The following CDH9 variants were observed in gnomAD, a reference collection of about 807,000 sequenced individuals.
CDH9 encodes the protein cadherin-9.
In CDH9, 28 loss-of-function variants were observed where a neutral mutation model predicts 70.9. That is an observed-to-expected ratio of 0.40 (90% confidence interval 0.29 to 0.54). CDH9 has a LOEUF of 0.54. CDH9 is among the 20% of genes least tolerant of loss of function. The pLI, the probability that CDH9 is intolerant of heterozygous loss-of-function variation, is 0.59. For synonymous variants in CDH9, 409 were observed against 343.1 expected (o/e 1.19, Z -2.12); for missense variants, 874 against 984.4 (o/e 0.89, Z 1.50).
intron 2 of CDH9, among the ~76,000 whole-genome samples, chr5:26,961,267 T>A (rs1208799075): frequency 1.3e-5 from 2 of 152,138 alleles, no homozygotes; most frequent in African/African-American, 4.8e-5. Context: ...AAGAAAACAC[T>A]CAGAATCTAC....
chr5:26,968,723 A>C (rs1742169322), intron 2 of CDH9, among the ~76,000 whole-genome samples: 1 of 150,370 alleles, frequency 6.7e-6, no homozygotes. Flanking sequence ...TGGGGGGCAA[A>C]TCTTTGGCAA....
intron 2 of CDH9, among the ~76,000 whole-genome samples, chr5:26,966,288 T>A (rs1742128205): frequency 6.6e-6 from 1 of 152,166 alleles, no homozygotes; most frequent in Admixed American, 6.6e-5. Context: ...TTGACTTCTC[T>A]CTCTGTCCAG....
At chr5:26,987,233 A>T (rs1742504011) in intron 2 of CDH9, among the ~76,000 whole-genome samples, 1 of 151,470 alleles carries the variant, frequency 6.6e-6, no homozygotes, top group Non-Finnish European at 1.5e-5. Context: ...TAAATTTATG[A>T]TCTGTAGACT....
At chr5:26,999,236 T>TA (rs144411498) in intron 1 of CDH9, among the ~76,000 whole-genome samples, 3,515 of 150,482 alleles carry the variant, frequency 0.023, 58 homozygotes, top group Middle Eastern at 0.038. Context: ...AGACTCCGTC[T>TA]AAAAAAAAAT....
At chr5:26,983,062 T>A (rs1234129173) in intron 2 of CDH9, among the ~76,000 whole-genome samples, 1 of 152,056 alleles carries the variant, frequency 6.6e-6, no homozygotes, top group Non-Finnish European at 1.5e-5. Context: ...GGGTTTTATG[T>A]AAGATTGTGC....
intron 2 of CDH9, among the ~76,000 whole-genome samples, chr5:26,937,995 A>G (rs991799877): frequency 2.6e-5 from 4 of 152,134 alleles, no homozygotes; most frequent in African/African-American, 9.7e-5. Flanking sequence ...TAATAATAAT[A>G]TAGTAATATT....
At chr5:26,989,508 G>GTCTCCCTC (rs1742545067) in intron 1 of CDH9, among the ~76,000 whole-genome samples, 1 of 146,784 alleles carries the variant, frequency 6.8e-6, no homozygotes, top group Non-Finnish European at 1.5e-5. Flanking sequence ...TCTCTTCTCT[G>GTCTCCCTC]TCTCTCTCTC....
intron 9 of CDH9, among the ~76,000 whole-genome samples, chr5:26,888,255 G>C (rs1178229026): frequency 4.6e-5 from 7 of 152,088 alleles, no homozygotes; most frequent in Non-Finnish European, 8.8e-5. Context: ...ATTTGGAGAA[G>C]TATTTGGGAA....
At chr5:26,958,828 G>A (rs1427626767) in intron 2 of CDH9, among the ~76,000 whole-genome samples, 2 of 151,928 alleles carry the variant, frequency 1.3e-5, no homozygotes, top group Non-Finnish European at 2.9e-5. Context: ...ACAAAAATAA[G>A]GATATAAATA....
In CDH9 at chr5:26,881,210, A is replaced by G. The variant is rs780694475; in HGVS notation, c.2296T>C (p.Tyr766His). 6 of 1,613,030 alleles carry G rather than the reference A, an allele frequency of 3.7e-6. No homozygotes were observed. The highest frequency in any genetic ancestry group is 5.1e-6 in the Non-Finnish European group (6 of 1,179,168). Residue 766 changes from tyrosine (Y) to histidine (H), a missense_variant, in exon 12 of 12, where the codon TAC becomes CAC. Physicochemically the swap from Tyr to His is moderately conservative, Grantham distance 83. Coordinates refer to ENST00000231021, the MANE Select transcript of CDH9 (RefSeq NM_016279.4). ...AAACGAGGCCCCCAGTCACTGAGGT[A>G]ATCATAATCTTGGTTACAATCAGCT... ...LTADCNQDYD[Y>H]LSDWGPRFKK...
chr5:27,027,554 G>GC (rs1349664989), intron 1 of CDH9, among the ~76,000 whole-genome samples: 2 of 151,992 alleles, frequency 1.3e-5, no homozygotes, highest in African/African-American at 4.8e-5. Flanking sequence ...AGCTCCTGGA[G>GC]CCCCAAGGCA....
At chr5:26,883,406 G>A (rs1193089696) in intron 11 of CDH9, among the ~76,000 whole-genome samples, 3 of 151,546 alleles carry the variant, frequency 2.0e-5, no homozygotes, top group Non-Finnish European at 4.4e-5. Flanking sequence ...TCATTTCTTA[G>A]ATTGAGGTTA....
At chr5:26,883,091 AT>A (rs1740499805) in intron 11 of CDH9, among the ~76,000 whole-genome samples, 32 of 126,600 alleles carry the variant, frequency 2.5e-4, no homozygotes, top group African/African-American at 7.1e-4. Flanking sequence ...ATATATATAT[AT>A]ATAAAACTGC....
At chr5:26,994,508 T>C (rs778019667) in intron 1 of CDH9, among the ~76,000 whole-genome samples, 1 of 151,770 alleles carries the variant, frequency 6.6e-6, no homozygotes, top group Admixed American at 6.6e-5. Flanking sequence ...TGAGCTTTTT[T>C]TCCTGTTTTT....
At chr5:26,946,085 A>G (rs79650148) in intron 2 of CDH9, among the ~76,000 whole-genome samples, 1,627 of 152,296 alleles carry the variant, frequency 0.011, 15 homozygotes, top group Non-Finnish European at 0.018. Flanking sequence ...GGCTTTCTGT[A>G]TAATGTTACA....
chr5:26,881,854 A>G (rs892494543), intron 11 of CDH9, among the ~76,000 whole-genome samples: 9 of 152,102 alleles, frequency 5.9e-5, no homozygotes, highest in Non-Finnish European at 1.3e-4. Context: ...ATACTCTCCT[A>G]TGAACTTCTG....
chr5:26,989,164 C>G (rs1742538840), intron 1 of CDH9, among the ~76,000 whole-genome samples: 1 of 151,950 alleles, frequency 6.6e-6, no homozygotes, highest in Non-Finnish European at 1.5e-5. Context: ...ATAGGATAAT[C>G]TGATCCAGAA....
intron 2 of CDH9, among the ~76,000 whole-genome samples, chr5:26,966,395 A>C (rs1223079509): frequency 6.6e-6 from 1 of 152,234 alleles, no homozygotes; most frequent in Non-Finnish European, 1.5e-5. Context: ...CTCCCAGGGA[A>C]CAATCAATCT....
intron 7 of CDH9, among the ~76,000 whole-genome samples, chr5:26,894,877 A>C (rs978936644): frequency 2.0e-5 from 3 of 152,106 alleles, no homozygotes; most frequent in African/African-American, 7.2e-5. Flanking sequence ...GGATCCAATC[A>C]TATAGGCATC....
Sources: gnomAD v4.1 joint callset for allele counts (sites outside exome capture counted in the v4.1 genomes callset) on GRCh38, gnomAD v4.1.1 for gene constraint, MANE v1.5 for transcripts, NCBI Gene and HGNC (gene_info 2026-07-23, HGNC 2026-07-21) for gene names.